Variants in ALPK2 observed in about 807,000 individuals in gnomAD.
ALPK2 encodes alpha-protein kinase 2.
ALPK2 carries 127 observed loss-of-function variants against 163.1 expected under a neutral mutation model. That is an observed-to-expected ratio of 0.78 (90% CI 0.67 to 0.90). The LOEUF (loss-of-function observed/expected upper bound fraction) is 0.90. Ranked by LOEUF, ALPK2 falls within the 40% of genes least tolerant of loss-of-function variation. ALPK2 has a pLI of 0.00. For missense variants in ALPK2, 2,360 were observed against 2,589.6 expected (o/e 0.91, Z 1.92); for synonymous variants, 953 against 959.1 (o/e 0.99, Z 0.12).
rs775371623 is a variant in ALPK2, at chr18:58,579,147, C to T, written c.1629G>A (p.Lys543=). 6.2e-7 allele frequency: 1 copy of T among 1,614,186 alleles called. No individual in the cohort carries two copies. Among genetic ancestry groups the T allele is most frequent in the Non-Finnish European group, 8.5e-7 (1 of 1,180,032 alleles). ...KSARVRQPGM[K]GNPKKPNANL... ...TGGCATTCGGCTTCTTGGGATTTCC[C>T]TTCATTCCCGGCTGCCTCACCCTGG... Residue 543 remains lysine, a synonymous_variant, in exon 4 of 13, where the codon AAG becomes AAA. Transcript: ENST00000361673.
In ALPK2 at chr18:58,543,274, T is replaced by C. The variant is rs534651926; in HGVS notation, c.1963-5050A>G. The C allele has an allele frequency of 3.3e-4, 272 of 827,488 alleles. No homozygotes were observed. The African/African-American group carries it at 4.9e-3, about 15-fold the overall frequency. 51.3% of individuals were successfully genotyped at this position (827,488 alleles called of 1,614,324 possible). On this transcript the variant is annotated intron_variant, in intron 4 of 12. Coordinates refer to ENST00000361673, the MANE Select transcript of ALPK2 (RefSeq NM_052947.4). ...AGTCTCCAGAGCTGTAAGAAATACA[T>C]TTCTTTTCTTTATAAATTTCCCAGT...
chr18:58,507,473 T>A (rs1440411645), intron 10 of ALPK2, among the ~76,000 whole-genome samples: 1 of 152,148 alleles, frequency 6.6e-6, no homozygotes, highest in Non-Finnish European at 1.5e-5. Context: ...CAGAGATGGG[T>A]GAGCTCCTCT....
rs1602178531 is a variant in ALPK2, at chr18:58,481,989, T to C, written c.6347A>G (p.Lys2116Arg). The C allele has an allele frequency of 6.2e-7, 1 of 1,614,218 alleles. No homozygotes were observed. The highest frequency in any genetic ancestry group is 8.5e-7 in the Non-Finnish European group (1 of 1,180,026). ...NCSMTFIDQF[K>R]ALHQCNKYCK... ...ATACTTGTTACACTGGTGTAGTGCT[T>C]TAAACTGATCAATGAAGGTCATGGA... Residue 2116 changes from lysine (K) to arginine (R), a missense_variant, in exon 13 of 13, where the codon AAA (lysine) becomes AGA (arginine). Physicochemically the swap from Lys to Arg is conservative, Grantham distance 26. Transcript: ENST00000361673.
In ALPK2 at chr18:58,529,102, T is replaced by C; in HGVS notation, c.5490A>G (p.Gln1830=). 6.2e-7 allele frequency: 1 copy of C among 1,614,128 alleles called. No homozygotes were observed. Among genetic ancestry groups the C allele is most frequent in the Non-Finnish European group, 8.5e-7 (1 of 1,179,968 alleles). ...CWTKDSKSIA[Q]VQRSAGDNST... is the part of the protein sequence containing the mutation. ...GAAAAACATCGCACCTTCTCTGCACTTGGGCTATGGACTTTGAATCTTTTG... is the reference window on the plus strand; with the variant it reads ...GAAAAACATCGCACCTTCTCTGCACCTGGGCTATGGACTTTGAATCTTTTG... Residue 1830 remains glutamine, a synonymous_variant, in exon 6 of 13, where the codon CAA becomes CAG. Coordinates refer to ENST00000361673, the MANE Select transcript of ALPK2 (RefSeq NM_052947.4).
chr18:58,582,870 C>T (rs1005650024), intron 3 of ALPK2, among the ~76,000 whole-genome samples: 2 of 152,144 alleles, frequency 1.3e-5, no homozygotes, highest in African/African-American at 4.8e-5. Context: ...AAGAGTTAAG[C>T]TTTCCCTAAA....
intron 4 of ALPK2, chr18:58,544,823 G>A (rs2051709113): frequency 1.3e-5 from 2 of 152,220 alleles, no homozygotes; most frequent in Non-Finnish European, 2.9e-5. Flanking sequence ...TAATTCAACA[G>A]TACCGCCAAT....
chr18:58,544,630 G>A (rs1036635613), intron 4 of ALPK2: 1 of 152,216 alleles, frequency 6.6e-6, no homozygotes, highest in Admixed American at 6.5e-5. Context: ...ACAGAGTGTG[G>A]AAGGTCACCA....
rs1555673996 is a variant in ALPK2 at position 58,578,740 on chromosome 18, A to ACGCGCGCGCGCGCGCGCGTG, written c.1962+73_1962+74insCACGCGCGCGCGCGCGCGCG. 13 of 1,118,754 alleles carry ACGCGCGCGCGCGCGCGCGTG rather than the reference A, an allele frequency of 1.2e-5. No individual in the cohort carries two copies. In the African/African-American group the frequency reaches 1.7e-4, roughly 15 times the overall value. The allele number at this position is 1,118,754 out of a possible 1,614,324, so 69.3% of individuals were successfully genotyped here. The stretch of plus-strand genomic sequence containing the variant: ...ATGTGAAGTAAAGGAAGAGACACAC[A>ACGCGCGCGCGCGCGCGCGTG]CACACACACACACACACACACACAC... On this transcript the variant is annotated intron_variant, in intron 4 of 12. Coordinates refer to ENST00000361673, the MANE Select transcript of ALPK2 (RefSeq NM_052947.4).
At chr18:58,493,894 AC>A (rs1021525297) in intron 12 of ALPK2, among the ~76,000 whole-genome samples, 1 of 152,130 alleles carries the variant, frequency 6.6e-6, no homozygotes, top group African/African-American at 2.4e-5. Context: ...TGCTAATGGT[AC>A]TTTTCTTTGT....
chr18:58,610,847 C>T (rs774947244), intron 2 of ALPK2, among the ~76,000 whole-genome samples: 39 of 151,998 alleles, frequency 2.6e-4, no homozygotes, highest in Admixed American at 5.2e-4. Context: ...GTAATCCCAG[C>T]ACTTTGGGAG....
chr18:58,623,854 A>AT (rs143901361), intron 1 of ALPK2, among the ~76,000 whole-genome samples: 5,569 of 151,844 alleles, frequency 0.037, 317 homozygotes, highest in African/African-American at 0.13. Context: ...GCCCATCCTA[A>AT]TTTTTTTTTA....
At chr18:58,604,316 A>G (rs1367092327) in intron 3 of ALPK2, among the ~76,000 whole-genome samples, 1 of 152,190 alleles carries the variant, frequency 6.6e-6, no homozygotes, top group African/African-American at 2.4e-5. Context: ...CTAACAGCTA[A>G]CTTTTAATCT....
At chr18:58,511,941 G>T (rs2144120615) in intron 10 of ALPK2, 1 of 152,312 alleles carries the variant, frequency 6.6e-6, no homozygotes, top group East Asian at 1.9e-4. Flanking sequence ...TTACTATCAT[G>T]CCAGAGTCTT....
At chr18:58,519,303 T>C (rs73445131) in intron 8 of ALPK2, among the ~76,000 whole-genome samples, 2,078 of 152,310 alleles carry the variant, frequency 0.014, 44 homozygotes, top group African/African-American at 0.048. Flanking sequence ...TCAGTTTCAT[T>C]CTAGTTATAT....
chr18:58,515,118 A>G (rs1242987716), intron 9 of ALPK2, 37 bp from the exon 10 acceptor site: 6 of 1,521,744 alleles, frequency 3.9e-6, no homozygotes, highest in Non-Finnish European at 5.4e-6. Context: ...CCCAGTGACT[A>G]CAGGAAATTC....
At chr18:58,528,058 G>A (rs73445155) in intron 6 of ALPK2, among the ~76,000 whole-genome samples, 1,873 of 152,304 alleles carry the variant, frequency 0.012, 40 homozygotes, top group African/African-American at 0.043. Context: ...TTTTGAACCA[G>A]GTGATTTGTT....
At chr18:58,546,900 A>C (rs1281552751) in intron 4 of ALPK2, among the ~76,000 whole-genome samples, 2 of 152,134 alleles carry the variant, frequency 1.3e-5, no homozygotes, top group Non-Finnish European at 2.9e-5. Flanking sequence ...TCCACTAGGC[A>C]TTTCTGAATA....
intron 12 of ALPK2, among the ~76,000 whole-genome samples, chr18:58,494,529 C>T (rs2051391826): frequency 6.6e-6 from 1 of 152,116 alleles, no homozygotes; most frequent in African/African-American, 2.4e-5. Context: ...ACTGGGGTGT[C>T]AGCAGCCAAA....
At chr18:58,576,462 A>G (rs1463997977) in intron 4 of ALPK2, among the ~76,000 whole-genome samples, 7 of 152,236 alleles carry the variant, frequency 4.6e-5, no homozygotes, top group African/African-American at 1.7e-4. Context: ...AGGTCCCCAT[A>G]AACCTCAAAT....
Sources: allele counts gnomAD v4.1 joint callset (sites outside exome capture counted in the v4.1 genomes callset), GRCh38; gene constraint gnomAD v4.1.1; transcripts MANE v1.5; gene names NCBI Gene and HGNC (gene_info 2026-07-23, HGNC 2026-07-21).